Variants in CHST9 observed in about 807,000 individuals in gnomAD.
The protein encoded by CHST9 is GalNAc-4-sulfotransferase 2.
A neutral mutation model predicts 44.4 loss-of-function variants in CHST9; 41 were observed. The observed-to-expected ratio is 0.92, with a 90% confidence interval of 0.72 to 1.20. The LOEUF (loss-of-function observed/expected upper bound fraction) is 1.20. Among genes scored for constraint, CHST9 ranks in the 50% most tolerant of loss-of-function variants. The pLI, the probability that CHST9 is intolerant of heterozygous loss-of-function variation, is 0.00. For missense variants in CHST9, 504 were observed against 516.5 expected, an observed-to-expected ratio of 0.98 and a Z score of 0.23; for synonymous variants, 171 against 178.4, an observed-to-expected ratio of 0.96 and a Z score of 0.33.
chr18:26,958,361 G>A (rs1179145294), intron 4 of CHST9, among the ~76,000 whole-genome samples: 1 of 151,828 alleles, frequency 6.6e-6, no homozygotes, highest in Non-Finnish European at 1.5e-5. Context: ...AATTCCCATA[G>A]GATTGGCACA....
At chr18:27,000,010 T>C (rs2056930317) in intron 4 of CHST9, among the ~76,000 whole-genome samples, 1 of 152,212 alleles carries the variant, frequency 6.6e-6, no homozygotes, top group South Asian at 2.1e-4. Context: ...GTAATAAAAA[T>C]GCAACAGAAA....
intron 2 of CHST9, among the ~76,000 whole-genome samples, chr18:27,128,174 A>G (rs2058441331): frequency 6.6e-6 from 1 of 152,148 alleles, no homozygotes; most frequent in Non-Finnish European, 1.5e-5. Context: ...TGGGGATGAA[A>G]CCATGAAATA....
intron 2 of CHST9, among the ~76,000 whole-genome samples, chr18:27,102,276 T>C (rs1252383459): frequency 1.3e-5 from 2 of 152,210 alleles, no homozygotes; most frequent in Non-Finnish European, 2.9e-5. Context: ...TTAGGGTAAA[T>C]GTAAGTAAGC....
At chr18:26,970,064 T>C (rs562746490) in intron 4 of CHST9, among the ~76,000 whole-genome samples, 2 of 152,280 alleles carry the variant, frequency 1.3e-5, no homozygotes, top group South Asian at 2.1e-4. Flanking sequence ...TGTTTCTTCC[T>C]TGGCCATTAC....
intron 2 of CHST9, among the ~76,000 whole-genome samples, chr18:27,050,268 T>C (rs993280192): frequency 3.3e-5 from 5 of 152,176 alleles, no homozygotes; most frequent in Non-Finnish European, 7.4e-5. Context: ...AGGTTTTTGC[T>C]AAGTTATGGA....
chr18:27,184,292 A>G (rs2058937714), intron 1 of CHST9, among the ~76,000 whole-genome samples: 1 of 152,154 alleles, frequency 6.6e-6, no homozygotes, highest in Admixed American at 6.6e-5. Flanking sequence ...AGAGAGAGAA[A>G]GGAGGAAGGC....
chr18:26,962,824 T>C (rs779592839), intron 4 of CHST9, among the ~76,000 whole-genome samples: 1 of 152,080 alleles, frequency 6.6e-6, no homozygotes, highest in Non-Finnish European at 1.5e-5. Context: ...GTGTCTGGTA[T>C]AAATGGGGAG....
chr18:27,021,785 A>G (rs1241518782), intron 4 of CHST9, among the ~76,000 whole-genome samples: 1 of 152,186 alleles, frequency 6.6e-6, no homozygotes, highest in East Asian at 1.9e-4. Context: ...TAACCCGTGT[A>G]AGCTATGTGC....
intron 2 of CHST9, among the ~76,000 whole-genome samples, chr18:27,104,712 C>T (rs1486853987): frequency 6.6e-6 from 1 of 152,144 alleles, no homozygotes; most frequent in Non-Finnish European, 1.5e-5. Flanking sequence ...CATAAACTTT[C>T]AAATCAAATT....
chr18:26,972,919 C>T (rs1265351957), intron 4 of CHST9, among the ~76,000 whole-genome samples: 1 of 152,178 alleles, frequency 6.6e-6, no homozygotes, highest in Non-Finnish European at 1.5e-5. Context: ...AGAAGACGGC[C>T]GAGCTTCACC....
At chr18:26,922,234 T>G (rs1207560023) in intron 5 of CHST9, among the ~76,000 whole-genome samples, 1 of 152,110 alleles carries the variant, frequency 6.6e-6, no homozygotes, top group Non-Finnish European at 1.5e-5. Flanking sequence ...CAACTCATGG[T>G]CTCCTCCTTT....
intron 2 of CHST9, among the ~76,000 whole-genome samples, chr18:27,130,331 G>A (rs1019931615): frequency 6.6e-6 from 1 of 152,148 alleles, no homozygotes; most frequent in Non-Finnish European, 1.5e-5. Flanking sequence ...GATTTTCAAT[G>A]AACTGTGAAA....
At chr18:27,002,475 A>G (rs549244724) in intron 4 of CHST9, among the ~76,000 whole-genome samples, 2 of 152,322 alleles carry the variant, frequency 1.3e-5, no homozygotes, top group South Asian at 4.1e-4. Flanking sequence ...TCCATTCAGC[A>G]GAAATTGTAC....
At chr18:26,927,523 CAT>C (rs1433353904) in intron 5 of CHST9, among the ~76,000 whole-genome samples, 3 of 152,178 alleles carry the variant, frequency 2.0e-5, no homozygotes, top group East Asian at 3.9e-4. Context: ...AGCAGGAAAA[CAT>C]GTGAACAAAT....
chr18:27,124,622 T>C (rs914184381), intron 2 of CHST9, among the ~76,000 whole-genome samples: 1 of 152,240 alleles, frequency 6.6e-6, no homozygotes, highest in Non-Finnish European at 1.5e-5. Flanking sequence ...CTTCCAAAAC[T>C]ACAGCATCCT....
intron 2 of CHST9, among the ~76,000 whole-genome samples, chr18:27,064,084 G>T (rs762793593): frequency 2.1e-4 from 32 of 152,028 alleles, no homozygotes; most frequent in Non-Finnish European, 4.3e-4. Flanking sequence ...TTGTGACACT[G>T]CTAGATATTA....
chr18:27,108,499 C>T (rs572838199), intron 2 of CHST9, among the ~76,000 whole-genome samples: 39 of 152,006 alleles, frequency 2.6e-4, no homozygotes, highest in Non-Finnish European at 4.3e-4. Flanking sequence ...CTTTAAAAGA[C>T]GGGATTTAGA....
chr18:27,041,136 G>T (rs147635253), intron 3 of CHST9, among the ~76,000 whole-genome samples: 1 of 152,076 alleles, frequency 6.6e-6, no homozygotes, highest in African/African-American at 2.4e-5. Context: ...ACATACATAT[G>T]AGCCTAATAG....
intron 2 of CHST9, among the ~76,000 whole-genome samples, chr18:27,056,134 T>A (rs186841413): frequency 9.5e-4 from 144 of 152,354 alleles, no homozygotes; most frequent in Non-Finnish European, 1.8e-3. Flanking sequence ...TAACTTATAA[T>A]TATCTAACCA....
Sources: gnomAD v4.1 joint callset for allele counts (sites outside exome capture counted in the v4.1 genomes callset) on GRCh38, gnomAD v4.1.1 for gene constraint, MANE v1.5 for transcripts, NCBI Gene and HGNC (gene_info 2026-07-23, HGNC 2026-07-21) for gene names.